Variants in TFCP2L1 observed in about 807,000 individuals in gnomAD.
TFCP2L1 encodes transcription factor CP2 like 1.
TFCP2L1 carries 12 observed loss-of-function variants against 72.2 expected under a neutral mutation model. The ratio of observed to expected loss-of-function variants is 0.17; its 90% CI spans 0.11 to 0.27. The LOEUF is 0.27. Ranked by LOEUF, TFCP2L1 falls within the 10% of genes least tolerant of loss-of-function variation. The pLI, the probability that TFCP2L1 is intolerant of heterozygous loss-of-function variation, is 1.00. For missense variants in TFCP2L1, 488 were observed against 624.6 expected (o/e 0.78, Z 2.33); for synonymous variants, 260 against 251.0 (o/e 1.04, Z -0.34).
intron 13 of TFCP2L1, among the ~76,000 whole-genome samples, chr2:121,226,884 A>G (rs1347312994): frequency 2.0e-5 from 3 of 152,220 alleles, no homozygotes; most frequent in African/African-American, 7.2e-5. Flanking sequence ...ACATTCTCCT[A>G]CAAGTCATGA....
Position 121,249,572 on chromosome 2 carries a change from T to C in TFCP2L1, c.290A>G (p.Lys97Arg). 6.2e-7 allele frequency: 1 copy of C among 1,614,114 alleles called. No individual in the cohort carries two copies. Among genetic ancestry groups the C allele is most frequent in the Non-Finnish European group, 8.5e-7 (1 of 1,179,996 alleles). Residue 97 changes from lysine (K) to arginine (R), a missense_variant and splice_region_variant, in exon 3 of 15, where the codon AAG (lysine) becomes AGG (arginine). Physicochemically the swap from Lys to Arg is conservative, Grantham distance 26. Transcript: ENST00000263707. Reference sequence around the variant, plus strand: ...ATGAGAACAGCCTGTGAGGCTTACCTTGACATATTTTGTGTTCAGATCTTG... The same window carrying C: ...ATGAGAACAGCCTGTGAGGCTTACCCTGACATATTTTGTGTTCAGATCTTG... ...DFQDLNTKYVKSIIRVVFHDR... is the reference protein window; with the variant it reads ...DFQDLNTKYVRSIIRVVFHDR...
At chr2:121,228,121 G>A (rs2104660072) in intron 13 of TFCP2L1, among the ~76,000 whole-genome samples, 1 of 152,354 alleles carries the variant, frequency 6.6e-6, no homozygotes, top group East Asian at 1.9e-4. Context: ...GGGGTTAAGA[G>A]GCAAGGAGAC....
At chr2:121,270,399 A>T (rs1687022392) in intron 2 of TFCP2L1, among the ~76,000 whole-genome samples, 1 of 152,236 alleles carries the variant, frequency 6.6e-6, no homozygotes, top group African/African-American at 2.4e-5. Context: ...ACAAACTGGC[A>T]CAACTTCACT....
chr2:121,282,318 TTAAAAAA>T (rs1266954412), intron 1 of TFCP2L1, among the ~76,000 whole-genome samples: 1 of 88,310 alleles, frequency 1.1e-5, no homozygotes, highest in African/African-American at 4.9e-5. Flanking sequence ...ACTCTCCACA[TTAAAAAA>T]AAAAAAAAAA....
intron 2 of TFCP2L1, among the ~76,000 whole-genome samples, chr2:121,279,768 AC>A (rs993577411): frequency 6.6e-6 from 1 of 152,152 alleles, no homozygotes; most frequent in African/African-American, 2.4e-5. Flanking sequence ...ATTCCCTGTG[AC>A]CCCACAGAAA....
Position 121,239,605 on chromosome 2 carries a change from C to G in TFCP2L1, c.813G>C (p.Pro271=). Residue 271 remains proline, a synonymous_variant, in exon 8 of 15, where the codon CCG becomes CCC. Coordinates refer to ENST00000263707, the MANE Select transcript of TFCP2L1 (RefSeq NM_014553.3). ...PDVAYQVNSA[P]SPSYNGSPNS... ...TTGGAGAACCATTGTAGCTTGGGGA[C>G]GGGGCGCTGTTCACCTGGTAGGCCA... is the stretch of plus-strand genomic sequence containing the variant. The G allele has an allele frequency of 6.2e-7, 1 of 1,614,176 alleles. No homozygotes were observed. The highest frequency in any genetic ancestry group is 8.5e-7 in the Non-Finnish European group (1 of 1,180,028).
In TFCP2L1 at chr2:121,226,121, A is replaced by G. The variant is rs571279564; in HGVS notation, c.1342-508T>C. 3.9e-4 allele frequency among the ~76,000 whole-genome samples: 54 copies of G among 138,834 alleles called. 1 individual carries two copies. Among genetic ancestry groups the G allele is most frequent in the African/African-American group, 1.4e-3 (48 of 34,278 alleles). 91.1% of individuals were successfully genotyped at this position (138,834 alleles called of 152,430 possible). ...CCACGGTGTCTACACACACGGGAAC[A>G]CGGTAAACACCACTGCCACGGTGTC... On this transcript the variant is annotated intron_variant, in intron 13 of 14. Transcript: ENST00000263707.
chr2:121,237,947 A>G (rs532099178), intron 8 of TFCP2L1, 97 bp from the exon 9 acceptor site: 1 of 1,311,138 alleles, frequency 7.6e-7, no homozygotes, highest in African/African-American at 1.5e-5. Context: ...TTCCTATCAG[A>G]TGCAGGATTT....
Position 121,237,605 on chromosome 2 carries a change from C to T in TFCP2L1, c.1003+18G>A. ...CCAAGATACTCATGGGCTTTAAACA[C>T]AGTTCGGAGATGCTCACCTGAGAAG... is the stretch of plus-strand genomic sequence containing the variant. On this transcript the variant is annotated intron_variant, in intron 10 of 14. Coordinates refer to ENST00000263707, the MANE Select transcript of TFCP2L1 (RefSeq NM_014553.3). 6.2e-7 allele frequency: 1 copy of T among 1,613,854 alleles called. No homozygotes were observed. Among genetic ancestry groups the T allele is most frequent in the South Asian group, 1.1e-5 (1 of 91,060 alleles).
intron 2 of TFCP2L1, among the ~76,000 whole-genome samples, chr2:121,260,020 G>A (rs1343403959): frequency 1.3e-5 from 2 of 152,194 alleles, no homozygotes; most frequent in African/African-American, 4.8e-5. Context: ...TGGTATTTGG[G>A]GAAGGGAGTC....
intron 2 of TFCP2L1, among the ~76,000 whole-genome samples, chr2:121,252,683 A>C (rs1558737601): frequency 6.6e-6 from 1 of 152,104 alleles, no homozygotes; most frequent in Non-Finnish European, 1.5e-5. Flanking sequence ...AAAGGTGTGA[A>C]GTCTCCCCAA....
intron 2 of TFCP2L1, among the ~76,000 whole-genome samples, chr2:121,265,259 T>C (rs1362949560): frequency 6.6e-6 from 1 of 152,118 alleles, no homozygotes; most frequent in East Asian, 1.9e-4. Flanking sequence ...GTGAAAAGTC[T>C]AGAATAGGCA....
chr2:121,228,604 T>TAAA (rs11446191), intron 13 of TFCP2L1, among the ~76,000 whole-genome samples: 2 of 146,160 alleles, frequency 1.4e-5, no homozygotes, highest in Non-Finnish European at 3.0e-5. Flanking sequence ...TACAAAAAAT[T>TAAA]AAAAAAAAAA....
At chr2:121,261,996 G>A (rs1346573796) in intron 2 of TFCP2L1, among the ~76,000 whole-genome samples, 1 of 152,096 alleles carries the variant, frequency 6.6e-6, no homozygotes, top group Non-Finnish European at 1.5e-5. Flanking sequence ...ACATCAAGCA[G>A]ACTCAAATTG....
At chr2:121,263,122 A>G (rs1430945960) in intron 2 of TFCP2L1, among the ~76,000 whole-genome samples, 1 of 151,992 alleles carries the variant, frequency 6.6e-6, no homozygotes, top group Non-Finnish European at 1.5e-5. Flanking sequence ...TTTAGTAGAG[A>G]TGGGGTTTCT....
At chr2:121,224,557 G>A (rs992004636) in intron 14 of TFCP2L1, among the ~76,000 whole-genome samples, 170 bp from the exon 15 acceptor site, 1 of 152,204 alleles carries the variant, frequency 6.6e-6, no homozygotes, top group Non-Finnish European at 1.5e-5. Context: ...CCTGACATCT[G>A]CCTCGTTTAG....
At chr2:121,276,298 G>A (rs1050278843) in intron 2 of TFCP2L1, among the ~76,000 whole-genome samples, 2 of 145,146 alleles carry the variant, frequency 1.4e-5, no homozygotes, top group East Asian at 4.0e-4. Flanking sequence ...TCCCACTTAT[G>A]AGTGAGAATA....
chr2:121,276,635 A>G (rs201100117), intron 2 of TFCP2L1, among the ~76,000 whole-genome samples: 22 of 126,310 alleles, frequency 1.7e-4, no homozygotes, highest in African/African-American at 7.3e-4. Flanking sequence ...CCTGTCTCAG[A>G]AAAAAAAAAA....
rs774742576 is a variant in TFCP2L1, at chr2:121,285,160, G to C, written c.-51C>G. 17 of 1,410,482 alleles carry C rather than the reference G, an allele frequency of 1.2e-5. No homozygotes were observed. The highest frequency in any genetic ancestry group is 3.0e-5 in the African/African-American group (2 of 67,472). The allele number at this position is 1,410,482 out of a possible 1,614,324, so 87.4% of individuals were successfully genotyped here. A position where few individuals can be genotyped will look rare whatever the true frequency, so the allele number is the denominator to read the frequency against. On this transcript the variant is annotated 5_prime_UTR_variant, in exon 1 of 15. Coordinates refer to ENST00000263707, the MANE Select transcript of TFCP2L1 (RefSeq NM_014553.3). ...GGGGCGCGGCAGCAAGCGCAGACGC[G>C]GGGCGCGCCGAGGACCCAGCGGCGG...
Sources: gnomAD v4.1 joint callset for allele counts (sites outside exome capture counted in the v4.1 genomes callset) on GRCh38, gnomAD v4.1.1 for gene constraint, MANE v1.5 for transcripts, NCBI Gene and HGNC (gene_info 2026-07-23, HGNC 2026-07-21) for gene names.